Variants in UNC13C observed in about 807,000 individuals in gnomAD.
The protein encoded by UNC13C is unc-13 homolog C.
A neutral mutation model predicts 245.4 loss-of-function variants in UNC13C; 174 were observed. The observed-to-expected ratio is 0.71, with a 90% confidence interval of 0.63 to 0.80. The LOEUF (loss-of-function observed/expected upper bound fraction) is 0.80. Ranked by LOEUF, UNC13C falls within the 30% of genes least tolerant of loss-of-function variation. UNC13C has a pLI of 0.00. For missense variants in UNC13C, 2,829 were observed against 2,602.9 expected (o/e 1.09, Z -1.89); for synonymous variants, 992 against 895.1 (o/e 1.11, Z -1.93).
intron 17 of UNC13C, among the ~76,000 whole-genome samples, chr15:54,359,987 G>C (rs1277607742): frequency 1.3e-5 from 2 of 151,758 alleles, no homozygotes; most frequent in African/African-American, 2.4e-5. Context: ...TGCTTGTGCT[G>C]TATCTCATAG....
intron 2 of UNC13C, among the ~76,000 whole-genome samples, chr15:54,077,254 A>G (rs1226070883): frequency 6.6e-6 from 1 of 152,064 alleles, no homozygotes; most frequent in African/African-American, 2.4e-5. Flanking sequence ...AGATTATTAA[A>G]CATGTTTCTT....
intron 4 of UNC13C, among the ~76,000 whole-genome samples, chr15:54,215,299 A>G (rs917646166): frequency 6.6e-6 from 1 of 151,880 alleles, no homozygotes; most frequent in African/African-American, 2.4e-5. Context: ...TTATACCAAA[A>G]ACCTAGGACC....
intron 30 of UNC13C, among the ~76,000 whole-genome samples, chr15:54,604,667 T>C (rs1351880286): frequency 6.6e-6 from 1 of 152,212 alleles, no homozygotes; most frequent in Non-Finnish European, 1.5e-5. Flanking sequence ...CTAAGACCTC[T>C]TTATTTCTGG....
chr15:54,183,796 C>A (rs1278275351), intron 4 of UNC13C, among the ~76,000 whole-genome samples: 1 of 147,578 alleles, frequency 6.8e-6, no homozygotes, highest in Non-Finnish European at 1.5e-5. Flanking sequence ...TCATTGCAGA[C>A]AGTATTAAGT....
rs117719370 is a variant in UNC13C, at chr15:54,488,396, G to A, written c.4934-6212G>A. ...TAGAGCAGTCTGCCAAACATGGAGA[G>A]GGATAATTAAAATAGTCTTAATGAA... On this transcript the variant is annotated intron_variant, in intron 19 of 32. Transcript: ENST00000260323. Among the ~76,000 whole-genome samples the A allele has an allele frequency of 6.3e-4, 96 of 152,196 alleles. 1 individual carries two copies. In the East Asian group the frequency reaches 0.018, roughly 29 times the overall value.
At chr15:54,618,980 T>G (rs903559314) in intron 30 of UNC13C, among the ~76,000 whole-genome samples, 13 of 152,144 alleles carry the variant, frequency 8.5e-5, no homozygotes, top group Admixed American at 2.6e-4. Flanking sequence ...ACAGTAAAAA[T>G]ATTTGTCTAA....
At chr15:54,377,028 G>A (rs533092200) in intron 17 of UNC13C, among the ~76,000 whole-genome samples, 99 of 152,318 alleles carry the variant, frequency 6.5e-4, no homozygotes, top group African/African-American at 2.3e-3. Context: ...TGTGAAGGCA[G>A]AGGCAGAGAT....
chr15:54,069,718 A>G (rs1456393582), intron 2 of UNC13C, among the ~76,000 whole-genome samples: 1 of 152,220 alleles, frequency 6.6e-6, no homozygotes, highest in Non-Finnish European at 1.5e-5. Context: ...TTGAAATCAT[A>G]CAAGTTACAC....
chr15:54,448,935 G>C (rs913203652), intron 19 of UNC13C, among the ~76,000 whole-genome samples: 20 of 152,130 alleles, frequency 1.3e-4, no homozygotes, highest in African/African-American at 4.1e-4. Context: ...TCCATGTTTA[G>C]TGCTTCCTTC....
At chr15:54,188,123 G>C (rs1224749319) in intron 4 of UNC13C, among the ~76,000 whole-genome samples, 2 of 152,084 alleles carry the variant, frequency 1.3e-5, no homozygotes, top group African/African-American at 4.8e-5. Flanking sequence ...CGGCCACACT[G>C]TATGTTTTTA....
chr15:54,209,972 A>G (rs1308080805), intron 4 of UNC13C, among the ~76,000 whole-genome samples: 1 of 151,994 alleles, frequency 6.6e-6, no homozygotes, highest in African/African-American at 2.4e-5. Flanking sequence ...TTTCATAACT[A>G]CTGAATATTT....
intron 25 of UNC13C, among the ~76,000 whole-genome samples, chr15:54,528,485 C>T (rs1362867437): frequency 1.3e-5 from 2 of 152,018 alleles, no homozygotes; most frequent in Admixed American, 1.3e-4. Context: ...TTTATTCAAA[C>T]CAGTTAATAC....
chr15:54,061,084 T>C lies in UNC13C; in HGVS notation c.2983+45198T>C, dbSNP rs141693623. The stretch of plus-strand genomic sequence containing the variant: ...TATACATATGTAACAAACGTGCACG[T>C]TGTGCACATGTACCCTAAAACTTAA... On this transcript the variant is annotated intron_variant, in intron 2 of 32. Transcript: ENST00000260323. Among the ~76,000 whole-genome samples the C allele has an allele frequency of 3.7e-3, 557 of 151,578 alleles. 6 individuals are homozygous for C. Among genetic ancestry groups the C allele is most frequent in the African/African-American group, 0.013 (546 of 41,246 alleles).
At chr15:54,158,598 T>G (rs923588767) in intron 4 of UNC13C, among the ~76,000 whole-genome samples, 2 of 152,110 alleles carry the variant, frequency 1.3e-5, no homozygotes, top group Non-Finnish European at 2.9e-5. Context: ...GGATTACAGG[T>G]GTGAGCCACT....
chr15:54,562,025 G>T (rs1897314514), intron 29 of UNC13C, among the ~76,000 whole-genome samples: 1 of 151,898 alleles, frequency 6.6e-6, no homozygotes, highest in Non-Finnish European at 1.5e-5. Context: ...AGAAAAATGG[G>T]AGACAGCCAG....
At chr15:54,169,909 C>G (rs1164933879) in intron 4 of UNC13C, among the ~76,000 whole-genome samples, 2 of 151,546 alleles carry the variant, frequency 1.3e-5, no homozygotes, top group East Asian at 3.9e-4. Flanking sequence ...ATGAATCTAT[C>G]TTTTATGTGA....
At chr15:53,967,883 T>A in the UNC13C span, 1 of 152,232 alleles carries the variant, frequency 6.6e-6, no homozygotes, top group Non-Finnish European at 1.5e-5. Flanking sequence ...AAAATGTATC[T>A]GTAGATTCTG....
At chr15:54,224,043 C>T (rs1008395695) in intron 4 of UNC13C, among the ~76,000 whole-genome samples, 1 of 151,966 alleles carries the variant, frequency 6.6e-6, no homozygotes, top group Non-Finnish European at 1.5e-5. Flanking sequence ...TTGGTGGAGG[C>T]TTTCGGTTTT....
chr15:54,163,260 G>T (rs963563566), intron 4 of UNC13C, among the ~76,000 whole-genome samples: 2 of 152,140 alleles, frequency 1.3e-5, no homozygotes, highest in Admixed American at 6.5e-5. Flanking sequence ...ACACAAAGGG[G>T]CTACTAGCCA....
Sources: allele counts gnomAD v4.1 joint callset (sites outside exome capture counted in the v4.1 genomes callset), GRCh38; gene constraint gnomAD v4.1.1; transcripts MANE v1.5; gene names NCBI Gene and HGNC (gene_info 2026-07-23, HGNC 2026-07-21).